Variants in SGO2 observed in about 807,000 individuals in gnomAD.
The protein encoded by SGO2 is shugoshin 2, also known as shugoshin-like 2.
A neutral mutation model predicts 99.5 loss-of-function variants in SGO2; 68 were observed. The observed-to-expected ratio is 0.68, with a 90% confidence interval of 0.56 to 0.84. SGO2 has a LOEUF of 0.84. Among genes scored for constraint, SGO2 ranks in the 40% least tolerant of loss-of-function variants. SGO2 has a pLI of 0.00. For synonymous variants in SGO2, 457 were observed against 487.1 expected (o/e 0.94, Z 0.81); for missense variants, 1,350 against 1,436.7 (o/e 0.94, Z 0.97).
intron 5 of SGO2, among the ~76,000 whole-genome samples, chr2:200,544,717 A>G (rs2032133098): frequency 6.6e-6 from 1 of 151,806 alleles, no homozygotes; most frequent in African/African-American, 2.4e-5. Context: ...CTATCTATCT[A>G]TCTATCTATC....
At chr2:200,551,446 C>T (rs2032480264) in intron 5 of SGO2, among the ~76,000 whole-genome samples, 1 of 152,018 alleles carries the variant, frequency 6.6e-6, no homozygotes, top group South Asian at 2.1e-4. Flanking sequence ...TTGTGGTTAC[C>T]AGAGGCTGGG....
chr2:200,572,854 A>G lies in SGO2; in HGVS notation c.2508A>G (p.Leu836=). The G allele has an allele frequency of 1.3e-6, 2 of 1,597,472 alleles. No homozygotes were observed. Among genetic ancestry groups the G allele is most frequent in the Non-Finnish European group, 1.7e-6 (2 of 1,175,364 alleles). ...YENDNKGVHD[L]EKDNFFSLTP... is the part of the protein sequence containing the mutation. ...ATGATAACAAAGGTGTACATGACCT[A>G]GAAAAAGATAACTTCTTCTCTCTAA... The change falls in exon 7 of 9, where the codon CTA becomes CTG. Residue 836 remains leucine, a synonymous_variant. Transcript: ENST00000357799.
intron 5 of SGO2, among the ~76,000 whole-genome samples, chr2:200,567,916 A>G (rs906018147): frequency 6.6e-6 from 1 of 152,236 alleles, no homozygotes; most frequent in Non-Finnish European, 1.5e-5. Flanking sequence ...GCTGCAATAA[A>G]CATTCATGTA....
At position 200,544,692 on chromosome 2, in the gene SGO2, G is replaced by GATCGATCTATCT. The variant is rs1553558884; in HGVS notation, c.473+2031_473+2032insGATCTATCTATC. Reference sequence around the variant, plus strand: ...TAGTGTGGAGTAGAATTACTTGGGAGATCTATCTATCTATCTATCTATCTA... The same window carrying GATCGATCTATCT: ...TAGTGTGGAGTAGAATTACTTGGGAGATCGATCTATCTATCTATCTATCTATCTATCTATCTA... On this transcript the variant is annotated intron_variant, in intron 5 of 8. Transcript: ENST00000357799. Among the ~76,000 whole-genome samples the GATCGATCTATCT allele has an allele frequency of 1.3e-3, 185 of 145,752 alleles. 1 individual carries two copies. Among genetic ancestry groups the GATCGATCTATCT allele is most frequent in the East Asian group, 2.1e-3 (10 of 4,878 alleles).
rs774791937 is a variant in SGO2 at position 200,532,502 on chromosome 2, C to G, written c.-2-472C>G. Reference sequence around the variant, plus strand: ...TTGTAATACTATAATGTAATGATTTCTTTATCTTCCTGTTTCCATAATAGG... The same window carrying G: ...TTGTAATACTATAATGTAATGATTTGTTTATCTTCCTGTTTCCATAATAGG... On this transcript the variant is annotated intron_variant, in intron 1 of 8. Coordinates refer to ENST00000357799, the MANE Select transcript of SGO2 (RefSeq NM_152524.6). 4.3e-6 allele frequency: 4 copies of G among 937,544 alleles called. No homozygotes were observed. The African/African-American group carries it at 7.1e-5, about 17-fold the overall frequency. 58.1% of individuals were successfully genotyped at this position (937,544 alleles called of 1,614,324 possible).
chr2:200,573,371 T>C lies in SGO2; in HGVS notation c.3025T>C (p.Leu1009=), dbSNP rs367874883. The stretch of plus-strand genomic sequence containing the variant: ...AGCTAAGAACAAACTTGCTTCACAG[T>C]TAACAGAATCTTCACAGACATCTAT... ...TKAKNKLASQ[L]TESSQTSISL... Residue 1009 remains leucine, a synonymous_variant, in exon 7 of 9, where the codon TTA becomes CTA. Transcript: ENST00000357799. The C allele has an allele frequency of 3.7e-5, 60 of 1,602,340 alleles. No homozygotes were observed. The highest frequency in any genetic ancestry group is 4.7e-5 in the Non-Finnish European group (55 of 1,176,772).
At chr2:200,555,289 CAT>C (rs904146464) in intron 5 of SGO2, among the ~76,000 whole-genome samples, 2 of 152,290 alleles carry the variant, frequency 1.3e-5, no homozygotes, top group East Asian at 3.9e-4. Flanking sequence ...ACACCACACA[CAT>C]AAATACACAG....
At chr2:200,567,283 G>A (rs1194178633) in intron 5 of SGO2, among the ~76,000 whole-genome samples, 3 of 152,108 alleles carry the variant, frequency 2.0e-5, no homozygotes, top group Non-Finnish European at 4.4e-5. Context: ...TAATTTGTAT[G>A]TTTAATCAAA....
intron 5 of SGO2, among the ~76,000 whole-genome samples, chr2:200,568,963 A>C (rs547477123): frequency 6.6e-6 from 1 of 152,148 alleles, no homozygotes; most frequent in Non-Finnish European, 1.5e-5. Flanking sequence ...CCCAACAGCT[A>C]TTCTACTGGT....
intron 4 of SGO2, among the ~76,000 whole-genome samples, chr2:200,537,430 G>C (rs2031742363): frequency 1.3e-5 from 2 of 151,986 alleles, no homozygotes; most frequent in Admixed American, 1.3e-4. Context: ...CAAGCCAATT[G>C]GGTTTTCACC....
intron 8 of SGO2, among the ~76,000 whole-genome samples, chr2:200,577,881 T>A (rs571800279): frequency 8.5e-5 from 13 of 152,340 alleles, no homozygotes; most frequent in African/African-American, 3.1e-4. Flanking sequence ...TTACTAGTCA[T>A]GTTAGCCTTG....
intron 5 of SGO2, among the ~76,000 whole-genome samples, chr2:200,556,165 A>G (rs561914280): frequency 6.6e-6 from 1 of 151,978 alleles, no homozygotes; most frequent in Non-Finnish European, 1.5e-5. Context: ...GGGTTTCATC[A>G]TTGTTGGCCA....
At position 200,572,355 on chromosome 2, in the gene SGO2, C is replaced by T; in HGVS notation, c.2009C>T (p.Pro670Leu). Residue 670 changes from proline (P) to leucine (L), a missense_variant, in exon 7 of 9, where the codon CCA becomes CTA. Transcript: ENST00000357799. ...NIEVSKELQI[P>L]ALSTRDNENQ... ...GAAGTTTCCAAAGAGCTTCAAATCC[C>T]AGCTCTTTCTACTAGAGATAATGAA... 1 of 1,611,916 alleles carries T rather than the reference C, an allele frequency of 6.2e-7. No homozygotes were observed. The highest frequency in any genetic ancestry group is 8.5e-7 in the Non-Finnish European group (1 of 1,179,250).
chr2:200,533,184 T>A, intron 2 of SGO2, 76 bp downstream of exon 2: 1 of 1,421,824 alleles, frequency 7.0e-7, no homozygotes, highest in Non-Finnish European at 9.4e-7. Context: ...CTACCTTATT[T>A]TATCAAGTAC....
chr2:200,529,848 A>G (rs978520096), intron 1 of SGO2, among the ~76,000 whole-genome samples: 3 of 152,224 alleles, frequency 2.0e-5, no homozygotes, highest in African/African-American at 7.2e-5. Context: ...GTTTTAAGTG[A>G]CCTCACTGAG....
At chr2:200,552,595 A>G (rs183281771) in intron 5 of SGO2, among the ~76,000 whole-genome samples, 1 of 152,322 alleles carries the variant, frequency 6.6e-6, no homozygotes, top group African/African-American at 2.4e-5. Flanking sequence ...TTTAGACCAT[A>G]TAAGGTAACT....
rs893392111 is a variant in SGO2, at chr2:200,570,592, A to T, written c.704-458A>T. 2.0e-5 allele frequency among the ~76,000 whole-genome samples: 3 copies of T among 150,046 alleles called. No homozygotes were observed. Among genetic ancestry groups the T allele is most frequent in the African/African-American group, 7.3e-5 (3 of 40,906 alleles). On this transcript the variant is annotated intron_variant, in intron 6 of 8. Transcript: ENST00000357799. The surrounding 1 kb of genome is among the most constrained non-coding windows in gnomAD (Gnocchi z 4.4). ...GGTATACATATAATGTATACAGTAT[A>T]CATATATACATGTGTGTATATATTT... is the stretch of plus-strand genomic sequence containing the variant.
At chr2:200,554,399 C>G (rs540022256) in intron 5 of SGO2, among the ~76,000 whole-genome samples, 30 of 152,266 alleles carry the variant, frequency 2.0e-4, no homozygotes, top group African/African-American at 7.0e-4. Flanking sequence ...GTTTTTTCCT[C>G]TATTCTAATG....
At chr2:200,581,405 TATC>T (rs755109632) in intron 8 of SGO2, among the ~76,000 whole-genome samples, 1 of 152,212 alleles carries the variant, frequency 6.6e-6, no homozygotes, top group Non-Finnish European at 1.5e-5. Flanking sequence ...GCTATGTAAA[TATC>T]ATGATTATTA....
Sources: gnomAD v4.1 joint callset for allele counts (sites outside exome capture counted in the v4.1 genomes callset) on GRCh38, gnomAD v4.1.1 for gene constraint, Gnocchi (gnomAD v3.1) non-coding constraint, MANE v1.5 for transcripts, NCBI Gene and HGNC (gene_info 2026-07-23, HGNC 2026-07-21) for gene names.